Variants in HAUS5 observed in about 807,000 individuals in gnomAD.
The protein encoded by HAUS5 is HAUS augmin-like complex subunit 5.
HAUS5 carries 67 observed loss-of-function variants against 94.1 expected under a neutral mutation model. The ratio of observed to expected loss-of-function variants is 0.71; its 90% CI spans 0.58 to 0.87. The LOEUF is 0.87. Among genes scored for constraint, HAUS5 ranks in the 40% least tolerant of loss-of-function variants. HAUS5 has a pLI of 0.00. For missense variants in HAUS5, 739 were observed against 825.6 expected, an observed-to-expected ratio of 0.90 and a Z score of 1.29; for synonymous variants, 339 against 355.4, an observed-to-expected ratio of 0.95 and a Z score of 0.52.
chr19:35,619,699 G>C lies in HAUS5; in HGVS notation c.1347G>C (p.Glu449Asp). 1 of 1,575,966 alleles carries C rather than the reference G, an allele frequency of 6.3e-7. No individual in the cohort carries two copies. Among genetic ancestry groups the C allele is most frequent in the Non-Finnish European group, 8.6e-7 (1 of 1,161,044 alleles). Residue 449 changes from glutamate to aspartate, a missense_variant, in exon 15 of 19, where the codon GAG becomes GAC. Physicochemically the swap from Glu to Asp is conservative, Grantham distance 45 (BLOSUM62 2). Coordinates refer to ENST00000203166, the MANE Select transcript of HAUS5 (RefSeq NM_015302.2). Reference protein sequence around the residue: ...QSRELLRCLEEEVRHLPHILL... With the variant: ...QSRELLRCLEDEVRHLPHILL... ...GGGAGCTGCTGCGCTGTCTGGAGGAGGAAGTCCGGCATTTGCCCCACATTC... is the reference window on the plus strand; with the variant it reads ...GGGAGCTGCTGCGCTGTCTGGAGGACGAAGTCCGGCATTTGCCCCACATTC...
At chr19:35,614,626 C>T (rs1464090069) in intron 4 of HAUS5, among the ~76,000 whole-genome samples, 11 of 151,962 alleles carry the variant, frequency 7.2e-5, no homozygotes, top group Admixed American at 7.2e-4. Flanking sequence ...TAGCTGGGCG[C>T]AGAGAGGTGG....
Position 35,612,816 on chromosome 19 carries a change from C to T in HAUS5, c.22C>T (p.Arg8Trp), listed in dbSNP as rs1407832908. The change falls in exon 1 of 19, where the codon CGG becomes TGG. Residue 8 changes from arginine (R) to tryptophan (W), a missense_variant. Physicochemically the swap from Arg to Trp is moderately radical, Grantham distance 101 (BLOSUM62 -3). Transcript: ENST00000203166. ...TGTCATGGAGCTAGCGCAGGAAGCG[C>T]GGGAACTGGGTTGCTGGGCGGTCGA... is the stretch of plus-strand genomic sequence containing the variant. MELAQEA[R>W]ELGCWAVEEM... 17 of 1,547,470 alleles carry T rather than the reference C, an allele frequency of 1.1e-5. No homozygotes were observed. Among genetic ancestry groups the T allele is most frequent in the Non-Finnish European group, 1.5e-5 (17 of 1,145,676 alleles).
rs1696295486 is a variant in HAUS5 at position 35,618,215 on chromosome 19, C to T, written c.821+20C>T. ...ATCCAGGTGTGGGGCAGGGTATTCT[C>T]ACAGTTGGGGAAGGCCATGTGAGTG... On this transcript the variant is annotated intron_variant, in intron 10 of 18. Transcript: ENST00000203166. 1 of 1,595,254 alleles carries T rather than the reference C, an allele frequency of 6.3e-7. No individual in the cohort carries two copies. Among genetic ancestry groups the T allele is most frequent in the African/African-American group, 1.3e-5 (1 of 74,794 alleles).
In HAUS5 at chr19:35,623,395, G is replaced by A. The variant is rs112775758; in HGVS notation, c.*402G>A. ...CTGCTGTGTGGGAAATCCAGCAGGG[G>A]GTGGGATGTGTGATTTGAATTGAGG... On this transcript the variant is annotated 3_prime_UTR_variant, in exon 19 of 19. Coordinates refer to ENST00000203166, the MANE Select transcript of HAUS5 (RefSeq NM_015302.2). 2,377 of 177,066 alleles carry A rather than the reference G, an allele frequency of 0.013. 72 individuals carry two copies. Among genetic ancestry groups the A allele is most frequent in the African/African-American group, 0.053 (2,219 of 41,732 alleles). 11.0% of individuals were successfully genotyped at this position (177,066 alleles called of 1,614,324 possible). A position where few individuals can be genotyped will look rare whatever the true frequency, so the allele number is the denominator to read the frequency against.
chr19:35,614,325 G>A (rs1191414233), intron 4 of HAUS5: 7 of 534,872 alleles, frequency 1.3e-5, no homozygotes, highest in South Asian at 4.0e-5. Context: ...TCCAGGAAGC[G>A]ATCAGTACTG....
At chr19:35,615,015 A>G (rs34572637) in intron 4 of HAUS5, 27 bp from the exon 5 acceptor site, 470,652 of 1,534,202 alleles carry the variant, frequency 0.31, 75,138 homozygotes, top group South Asian at 0.44. Flanking sequence ...CGATCAGACC[A>G]TCTGACCCTG....
Position 35,623,492 on chromosome 19 carries a change from A to C in HAUS5, c.*499A>C, listed in dbSNP as rs940937548. The C allele has an allele frequency of 6.3e-6, 1 of 159,196 alleles. No individual in the cohort carries two copies. The highest frequency in any genetic ancestry group is 5.9e-5 in the Admixed American group (1 of 17,092). 9.9% of individuals were successfully genotyped at this position (159,196 alleles called of 1,614,324 possible). A position where few individuals can be genotyped will look rare whatever the true frequency, so the allele number is the denominator to read the frequency against. On this transcript the variant is annotated 3_prime_UTR_variant, in exon 19 of 19. Transcript: ENST00000203166. The stretch of plus-strand genomic sequence containing the variant: ...CAGGGGTGGCTGAGTAAGGGCTTGC[A>C]GCTGGAGGCAACAGCACATGCAAAG...
chr19:35,617,798 CT>C, intron 8 of HAUS5, 56 bp from the exon 9 acceptor site: 1 of 1,454,710 alleles, frequency 6.9e-7, no homozygotes, highest in Non-Finnish European at 9.7e-7. Flanking sequence ...GTGGTGATAA[CT>C]AGAGGATAAT....
At chr19:35,612,971 G>A (rs2071908683) in intron 1 of HAUS5, 79 bp downstream of exon 1, 9 of 992,504 alleles carry the variant, frequency 9.1e-6, no homozygotes, top group Non-Finnish European at 1.3e-5. Context: ...CCCTCATTGA[G>A]GACTCGACTC....
chr19:35,618,342 C>A, intron 10 of HAUS5, 60 bp from the exon 11 acceptor site: 1 of 1,608,362 alleles, frequency 6.2e-7, no homozygotes, highest in Non-Finnish European at 8.5e-7. Flanking sequence ...TACTGTCCAC[C>A]CTCGAGTACC....
At chr19:35,617,779 T>C (rs2071957621) in intron 8 of HAUS5, 76 bp from the exon 9 acceptor site, 1 of 1,254,562 alleles carries the variant, frequency 8.0e-7, no homozygotes, top group Non-Finnish European at 1.2e-6. Flanking sequence ...GCCCCTACCT[T>C]ATAGGGTGGT....
In HAUS5 at chr19:35,619,482, G is replaced by A. The variant is rs750857946; in HGVS notation, c.1238G>A (p.Arg413His). 8.1e-6 allele frequency: 13 copies of A among 1,610,000 alleles called. No homozygotes were observed. Among genetic ancestry groups the A allele is most frequent in the African/African-American group, 2.7e-5 (2 of 74,876 alleles). ...LIKGNSASKT[R>H]LCRSPGEVLA... ...AAGGGAAACTCGGCCAGCAAGACCCGCCTGTGCCGGAGCCCGGGGGAGGTG... is the reference window on the plus strand; with the variant it reads ...AAGGGAAACTCGGCCAGCAAGACCCACCTGTGCCGGAGCCCGGGGGAGGTG... The change falls in exon 14 of 19, where the codon CGC becomes CAC. Residue 413 changes from arginine (R) to histidine (H), a missense_variant. Transcript: ENST00000203166.
intron 4 of HAUS5, 21 bp from the exon 5 acceptor site, chr19:35,615,021 C>A (rs1196866446): frequency 1.3e-6 from 2 of 1,552,112 alleles, no homozygotes; most frequent in Admixed American, 1.9e-5. Context: ...GACCATCTGA[C>A]CCTGAATCTG....
Position 35,619,697 on chromosome 19 carries a change from G to T in HAUS5, c.1345G>T (p.Glu449Ter). The change falls in exon 15 of 19, where the codon GAG becomes TAG. Residue 449 changes from glutamate to a stop codon, truncating the protein, a stop_gained. Coordinates refer to ENST00000203166, the MANE Select transcript of HAUS5 (RefSeq NM_015302.2). LOFTEE classifies it high-confidence loss of function. The stretch of plus-strand genomic sequence containing the variant: ...CCGGGAGCTGCTGCGCTGTCTGGAG[G>T]AGGAAGTCCGGCATTTGCCCCACAT... The part of the protein sequence containing the change: ...QSRELLRCLE[E>*]EVRHLPHILL... 1 of 1,576,482 alleles carries T rather than the reference G, an allele frequency of 6.3e-7. No homozygotes were observed.
At chr19:35,617,418 G>T in intron 8 of HAUS5, 49 bp downstream of exon 8, 1 of 1,230,242 alleles carries the variant, frequency 8.1e-7, no homozygotes, top group Non-Finnish European at 1.2e-6. Context: ...TGGGTTTTAA[G>T]TGGGGGTCTC....
chr19:35,616,111 G>A (rs978417165), intron 6 of HAUS5, among the ~76,000 whole-genome samples: 6 of 152,126 alleles, frequency 3.9e-5, no homozygotes, highest in African/African-American at 1.4e-4. Flanking sequence ...GAGGTCAGGA[G>A]TTCGAAACCA....
rs17705854 is a variant in HAUS5 at position 35,623,176 on chromosome 19, G to A, written c.*183G>A. 13,825 of 590,296 alleles carry A rather than the reference G, an allele frequency of 0.023. 226 individuals carry two copies. The highest frequency in any genetic ancestry group is 0.031 in the Non-Finnish European group (10,152 of 332,136). 36.6% of individuals were successfully genotyped at this position (590,296 alleles called of 1,614,324 possible). ...CTCCTGGACCCTGTCCTTTCATCCC[G>A]CTAAAGCACCCCCTAAAACCCCTTC... On this transcript the variant is annotated 3_prime_UTR_variant, in exon 19 of 19. Transcript: ENST00000203166.
chr19:35,613,816 G>A, intron 2 of HAUS5, 24 bp downstream of exon 2: 3 of 1,613,994 alleles, frequency 1.9e-6, no homozygotes, highest in South Asian at 2.2e-5. Context: ...GAGCAGGGGA[G>A]GGGGCACAGG....
chr19:35,613,038 G>A (rs1246906679), intron 1 of HAUS5, 146 bp downstream of exon 1: 1 of 604,552 alleles, frequency 1.7e-6, no homozygotes. Context: ...ACCCTGGGAG[G>A]CTCCCCAGAG....
Sources: gnomAD v4.1 joint callset for allele counts (sites outside exome capture counted in the v4.1 genomes callset) on GRCh38, gnomAD v4.1.1 for gene constraint, MANE v1.5 for transcripts, NCBI Gene and HGNC (gene_info 2026-07-23, HGNC 2026-07-21) for gene names.